AP3B1: variants seen among roughly 807,000 people sequenced by gnomAD.
The protein encoded by AP3B1 is AP-3 complex subunit beta-1.
AP3B1 carries 61 observed loss-of-function variants against 132.5 expected under a neutral mutation model. The ratio of observed to expected loss-of-function variants is 0.46; its 90% confidence interval spans 0.37 to 0.57. The LOEUF is 0.57. AP3B1 is among the 20% of genes least tolerant of loss of function. The probability of loss-of-function intolerance (pLI) is 0.00; values close to 1 mark genes in which losing one functional copy is unlikely to be tolerated. For missense variants in AP3B1, 1,120 were observed against 1,289.4 expected (o/e 0.87, Z 2.01); for synonymous variants, 388 against 438.3 (o/e 0.89, Z 1.43).
intron 1 of AP3B1, among the ~76,000 whole-genome samples, chr5:78,280,734 T>A (rs1749013886): frequency 1.3e-5 from 2 of 152,220 alleles, no homozygotes; most frequent in Non-Finnish European, 2.9e-5. Context: ...GTTTTCCATC[T>A]GATGAGTTTG....
In AP3B1 at chr5:78,156,303, A is replaced by C. The variant is rs1743146784; in HGVS notation, c.1428T>G (p.His476Gln). ...TGGCCATATGTTTAATAATTTCACC[A>C]TGTTGTGCAGGTTGCATTTGCAGTA... ...KKLLQMQPAQ[H>Q]GEIIKHMAKL... The change falls in exon 14 of 27, where the codon CAT (histidine) becomes CAG (glutamine). Residue 476 changes from histidine (H) to glutamine (Q), a missense_variant. His to Gln is a conservative substitution (Grantham distance 24). Around this residue, in one of 3 missense-constraint regions of AP3B1, gnomAD observed 906 missense variants for 997.1 expected, o/e 0.91. Transcript: ENST00000255194. 6.2e-7 allele frequency: 1 copy of C among 1,613,710 alleles called. No individual in the cohort carries two copies. Among genetic ancestry groups the C allele is most frequent in the African/African-American group, 1.3e-5 (1 of 74,918 alleles).
At chr5:78,172,091 T>A (rs1478755725) in intron 11 of AP3B1, among the ~76,000 whole-genome samples, 1 of 152,136 alleles carries the variant, frequency 6.6e-6, no homozygotes, top group Non-Finnish European at 1.5e-5. Context: ...GAAGAATCCA[T>A]CTTGACTGTG....
At position 78,109,976 on chromosome 5, in the gene AP3B1, C is replaced by G. The variant is rs1019021485; in HGVS notation, c.2397+231G>C. Among the ~76,000 whole-genome samples the G allele has an allele frequency of 6.6e-5, 10 of 152,206 alleles. 1 individual carries two copies. In the South Asian group the frequency reaches 2.1e-3, roughly 32 times the overall value. On this transcript the variant is annotated intron_variant, in intron 20 of 26. Coordinates refer to ENST00000255194, the MANE Select transcript of AP3B1 (RefSeq NM_003664.5). ...ACTTCCCCTTCAGCAAAACCCCCCC[C>G]TTGTCACAACCTAGCCAAGAACAAA...
At chr5:78,045,060 A>T (rs1748265697) in intron 22 of AP3B1, among the ~76,000 whole-genome samples, 1 of 152,210 alleles carries the variant, frequency 6.6e-6, no homozygotes. Flanking sequence ...GTAATAATAT[A>T]TACTTGTTTA....
At chr5:78,114,380 A>G (rs1331816148) in intron 18 of AP3B1, among the ~76,000 whole-genome samples, 1 of 152,162 alleles carries the variant, frequency 6.6e-6, no homozygotes, top group Non-Finnish European at 1.5e-5. Context: ...GAGGAAAATG[A>G]GCCATTCAAA....
chr5:78,173,331 T>C (rs982753561), intron 11 of AP3B1, among the ~76,000 whole-genome samples: 1 of 152,192 alleles, frequency 6.6e-6, no homozygotes, highest in Non-Finnish European at 1.5e-5. Context: ...TCTGTCTCGT[T>C]GATTTGTCTA....
chr5:78,201,320 T>A (rs943098115), intron 7 of AP3B1, among the ~76,000 whole-genome samples: 1 of 152,082 alleles, frequency 6.6e-6, no homozygotes, highest in African/African-American at 2.4e-5. Context: ...ACCCAACATA[T>A]ACAAAAACAT....
intron 8 of AP3B1, among the ~76,000 whole-genome samples, chr5:78,180,906 T>C (rs1347664639): frequency 6.6e-6 from 1 of 151,824 alleles, no homozygotes; most frequent in Non-Finnish European, 1.5e-5. Context: ...TTCTAAAATA[T>C]AAATGGTTAT....
At chr5:78,240,738 G>T in intron 3 of AP3B1, 124 bp downstream of exon 3, 1 of 695,690 alleles carries the variant, frequency 1.4e-6, no homozygotes, top group Non-Finnish European at 2.6e-6. Context: ...TAAAATTAAG[G>T]ACATTTTAAT....
chr5:78,240,812 G>GGTCCC (rs753530958), intron 3 of AP3B1, 50 bp downstream of exon 3: 1 of 1,257,856 alleles, frequency 8.0e-7, no homozygotes, highest in Non-Finnish European at 1.2e-6. Context: ...AAAAGTGTAC[G>GGTCCC]GTCCCATGAA....
chr5:78,132,756 A>G (rs1752743488), intron 15 of AP3B1, among the ~76,000 whole-genome samples: 1 of 152,184 alleles, frequency 6.6e-6, no homozygotes, highest in Non-Finnish European at 1.5e-5. Flanking sequence ...TGTGTGGTCA[A>G]TGAGATCACC....
chr5:78,108,014 C>G (rs979273703), intron 20 of AP3B1, among the ~76,000 whole-genome samples: 9 of 152,152 alleles, frequency 5.9e-5, no homozygotes, highest in Non-Finnish European at 1.3e-4. Flanking sequence ...CAAAGATATT[C>G]TCTCCCAACA....
In AP3B1 at chr5:78,193,060, C is replaced by T. The variant is rs145705293; in HGVS notation, c.787-11398G>A. 8.9e-3 allele frequency among the ~76,000 whole-genome samples: 1,356 copies of T among 152,284 alleles called. 18 individuals are homozygous for T. Among genetic ancestry groups the T allele is most frequent in the African/African-American group, 0.024 (988 of 41,554 alleles). On this transcript the variant is annotated intron_variant, in intron 7 of 26. Coordinates refer to ENST00000255194, the MANE Select transcript of AP3B1 (RefSeq NM_003664.5). The stretch of plus-strand genomic sequence containing the variant: ...CTTTACGGCAGATAATGCAACATAA[C>T]ACAATTTTTCAGAAAACTCAGATAT...
At chr5:78,074,926 C>T (rs113194878) in intron 22 of AP3B1, among the ~76,000 whole-genome samples, 5,472 of 151,946 alleles carry the variant, frequency 0.036, 352 homozygotes, top group African/African-American at 0.12. Context: ...AAAGCAAAAC[C>T]CTGTCTCAAA....
intron 11 of AP3B1, among the ~76,000 whole-genome samples, chr5:78,166,425 A>G (rs1018415971): frequency 6.6e-6 from 1 of 152,130 alleles, no homozygotes; most frequent in Non-Finnish European, 1.5e-5. Flanking sequence ...CTCCATGTTA[A>G]TACATCTGCT....
intron 2 of AP3B1, among the ~76,000 whole-genome samples, chr5:78,252,806 C>T (rs1368548041): frequency 6.6e-6 from 1 of 152,188 alleles, no homozygotes; most frequent in Non-Finnish European, 1.5e-5. Context: ...GGGGAGCTCG[C>T]CACCCTTAAG....
intron 22 of AP3B1, chr5:78,087,594 G>A (rs748306953): frequency 1.0e-6 from 1 of 985,186 alleles, no homozygotes; most frequent in East Asian, 1.1e-4. Flanking sequence ...AGTGAGTGTT[G>A]TGGTCCTGCT....
chr5:78,270,740 T>G (rs1748514148), intron 1 of AP3B1, among the ~76,000 whole-genome samples: 1 of 152,308 alleles, frequency 6.6e-6, no homozygotes. Flanking sequence ...CATTAAGGCT[T>G]AGGAACATTT....
chr5:78,024,044 G>T (rs1169397376), intron 24 of AP3B1, among the ~76,000 whole-genome samples: 1 of 152,170 alleles, frequency 6.6e-6, no homozygotes, highest in Non-Finnish European at 1.5e-5. Flanking sequence ...GAGCGGGTTA[G>T]CTCTAGAAAG....
Sources: gnomAD v4.1 joint callset for allele counts (sites outside exome capture counted in the v4.1 genomes callset) on GRCh38, gnomAD v4.1.1 for gene constraint, gnomAD v4.1.1 regional missense constraint, MANE v1.5 for transcripts, NCBI Gene and HGNC (gene_info 2026-07-23, HGNC 2026-07-21) for gene names.